LRP1B: variants seen among roughly 807,000 people sequenced by gnomAD.
LRP1B encodes the protein LDL receptor related protein 1B.
A neutral mutation model predicts 556.6 loss-of-function variants in LRP1B; 217 were observed. The ratio of observed to expected loss-of-function variants is 0.39; its 90% CI spans 0.35 to 0.44. The LOEUF (loss-of-function observed/expected upper bound fraction) is 0.44. Among genes scored for constraint, LRP1B ranks in the 20% least tolerant of loss-of-function variants. The pLI, the probability that LRP1B is intolerant of heterozygous loss-of-function variation, is 1.00. For missense variants in LRP1B, 5,053 were observed against 5,620.8 expected, an observed-to-expected ratio of 0.90 and a Z score of 3.23; for synonymous variants, 2,047 against 1,865.8, an observed-to-expected ratio of 1.10 and a Z score of -2.50.
intron 1 of LRP1B, among the ~76,000 whole-genome samples, chr2:142,056,777 T>C (rs1704689494): frequency 6.6e-6 from 1 of 152,090 alleles, no homozygotes; most frequent in Non-Finnish European, 1.5e-5. Context: ...TAAAAATTAA[T>C]ATGAGAGAAA....
At chr2:141,815,249 G>A (rs922934758) in intron 1 of LRP1B, among the ~76,000 whole-genome samples, 1 of 152,194 alleles carries the variant, frequency 6.6e-6, no homozygotes, top group Non-Finnish European at 1.5e-5. Context: ...TGGTAGGGAA[G>A]AAAGTTAACA....
chr2:141,566,429 AAATT>A (rs1295688484), intron 2 of LRP1B, among the ~76,000 whole-genome samples: 1 of 152,186 alleles, frequency 6.6e-6, no homozygotes, highest in Admixed American at 6.5e-5. Context: ...TAAAATTTAA[AAATT>A]AATAAGAATT....
intron 3 of LRP1B, among the ~76,000 whole-genome samples, chr2:141,347,997 G>C (rs1688313438): frequency 6.6e-6 from 1 of 152,006 alleles, no homozygotes; most frequent in Non-Finnish European, 1.5e-5. Flanking sequence ...AATCAGACCA[G>C]GTACTGAACA....
chr2:141,289,967 T>C (rs1046417837), intron 3 of LRP1B, among the ~76,000 whole-genome samples: 4 of 152,020 alleles, frequency 2.6e-5, no homozygotes. Flanking sequence ...AGTGACTTGG[T>C]TTTTTTTCTA....
chr2:141,908,721 C>T (rs1264060992), intron 1 of LRP1B, among the ~76,000 whole-genome samples: 2 of 151,968 alleles, frequency 1.3e-5, no homozygotes, highest in Non-Finnish European at 2.9e-5. Context: ...TAGGTCAAAA[C>T]ATATGCTTAT....
chr2:141,894,630 AATATTT>A (rs1558945563), intron 1 of LRP1B, among the ~76,000 whole-genome samples: 1 of 144,576 alleles, frequency 6.9e-6, no homozygotes, highest in African/African-American at 2.6e-5. Flanking sequence ...TTCTAAATAG[AATATTT>A]AGATCTAGAT....
At chr2:140,394,983 A>G (rs1684188187) in intron 66 of LRP1B, among the ~76,000 whole-genome samples, 1 of 152,204 alleles carries the variant, frequency 6.6e-6, no homozygotes, top group African/African-American at 2.4e-5. Context: ...CTATACGTGA[A>G]TACTTGGATA....
intron 7 of LRP1B, among the ~76,000 whole-genome samples, chr2:141,180,084 G>C (rs1425689676): frequency 6.6e-6 from 1 of 151,646 alleles, no homozygotes; most frequent in Non-Finnish European, 1.5e-5. Context: ...TTTTGTGCCT[G>C]ATCCATTATT....
At chr2:141,140,804 C>T (rs187630066) in intron 7 of LRP1B, among the ~76,000 whole-genome samples, 87 of 151,808 alleles carry the variant, frequency 5.7e-4, no homozygotes, top group Non-Finnish European at 6.9e-4. Context: ...TTTAAAAATG[C>T]GAAAAAACCG....
intron 53 of LRP1B, among the ~76,000 whole-genome samples, chr2:140,505,130 T>C (rs1689352408): frequency 6.6e-6 from 1 of 152,204 alleles, no homozygotes; most frequent in Admixed American, 6.6e-5. Flanking sequence ...TAAACACATA[T>C]AGAATTTACT....
At chr2:141,773,683 AGAGTGTT>A (rs1209611973) in intron 2 of LRP1B, among the ~76,000 whole-genome samples, 215 of 152,342 alleles carry the variant, frequency 1.4e-3, no homozygotes, top group African/African-American at 4.4e-3. Flanking sequence ...TATCAGCCAG[AGAGTGTT>A]TAATTGGAAG....
intron 18 of LRP1B, among the ~76,000 whole-genome samples, chr2:140,965,832 G>A (rs1342801971): frequency 7.1e-6 from 1 of 140,178 alleles, no homozygotes; most frequent in Non-Finnish European, 1.5e-5. Context: ...GCAATAGTTT[G>A]CTGAGAATGA....
intron 86 of LRP1B, among the ~76,000 whole-genome samples, chr2:140,269,669 T>C (rs1283500528): frequency 6.6e-6 from 1 of 151,846 alleles, no homozygotes. Context: ...CTCTGGACAA[T>C]CAGATCATGG....
At chr2:141,370,751 T>G (rs1219661829) in intron 3 of LRP1B, among the ~76,000 whole-genome samples, 2 of 152,158 alleles carry the variant, frequency 1.3e-5, no homozygotes, top group Admixed American at 1.3e-4. Context: ...ATTCCCCAGG[T>G]TTTTTCTAAT....
intron 2 of LRP1B, 104 bp downstream of exon 2, chr2:141,810,175 A>AAGAAAGAAAGAG: frequency 1.1e-6 from 1 of 911,294 alleles, no homozygotes; most frequent in Non-Finnish European, 1.5e-6. Flanking sequence ...GAAGGAAAGA[A>AAGAAAGAAAGAG]AGAAAGAAAG....
chr2:140,942,457 A>G (rs796739885), intron 20 of LRP1B, among the ~76,000 whole-genome samples: 28 of 152,232 alleles, frequency 1.8e-4, no homozygotes, highest in African/African-American at 6.7e-4. Context: ...CAAGATACAT[A>G]CAAGATGATC....
intron 2 of LRP1B, among the ~76,000 whole-genome samples, chr2:141,549,394 C>T (rs1217574903): frequency 6.6e-6 from 1 of 152,020 alleles, no homozygotes; most frequent in African/African-American, 2.4e-5. Flanking sequence ...AATCATATTA[C>T]CATGATACAT....
At chr2:141,573,086 G>C (rs1452033634) in intron 2 of LRP1B, among the ~76,000 whole-genome samples, 1 of 152,098 alleles carries the variant, frequency 6.6e-6, no homozygotes, top group Non-Finnish European at 1.5e-5. Context: ...CTCAGCTCTA[G>C]ACCAAGTGGA....
At chr2:142,102,768 A>G (rs971199718) in intron 1 of LRP1B, among the ~76,000 whole-genome samples, 2 of 151,792 alleles carry the variant, frequency 1.3e-5, no homozygotes, top group Non-Finnish European at 2.9e-5. Context: ...CAAGTCAGGT[A>G]TAATGCAAAA....
Sources: allele counts gnomAD v4.1 joint callset (sites outside exome capture counted in the v4.1 genomes callset), GRCh38; gene constraint gnomAD v4.1.1; transcripts MANE v1.5; gene names NCBI Gene and HGNC (gene_info 2026-07-23, HGNC 2026-07-21).